The following CRYBA4 variants were observed in gnomAD, a reference collection of about 807,000 sequenced individuals.
CRYBA4 encodes crystallin beta A4, also known as beta-crystallin A4.
Under a neutral mutation model 31.7 loss-of-function variants are expected in CRYBA4, and 30 were observed. That is an observed-to-expected ratio of 0.95 (90% CI 0.71 to 1.28). The LOEUF (loss-of-function observed/expected upper bound fraction) is 1.28, where lower values mean the gene tolerates loss of function less well. CRYBA4 is among the 50% of genes most tolerant of loss of function. The pLI is 0.00. For missense variants in CRYBA4, 225 were observed against 260.7 expected (o/e 0.86, Z 0.94); for synonymous variants, 102 against 102.3 (o/e 1.00, Z 0.02).
chr22:26,625,622 TG>T lies in CRYBA4; in HGVS notation c.300+1del. Reference sequence around the variant, plus strand: ...CCTCCTTCCGGCCTGCGGCCTGTGCTGTAAGTTCTACCACTGCTGCATCCCG... The same window carrying T: ...CCTCCTTCCGGCCTGCGGCCTGTGCTTAAGTTCTACCACTGCTGCATCCCG... On this transcript the variant is annotated splice_donor_variant, in intron 4 of 5. Coordinates refer to ENST00000354760, the MANE Select transcript of CRYBA4 (RefSeq NM_001886.3). LOFTEE classifies it high-confidence loss of function. The T allele has an allele frequency of 6.2e-7, 1 of 1,613,752 alleles. No homozygotes were observed. The highest frequency in any genetic ancestry group is 1.1e-5 in the South Asian group (1 of 91,058).
At chr22:26,597,472 A>G in the CRYBA4 span, among the ~76,000 whole-genome samples, 3 of 152,188 alleles carry the variant, frequency 2.0e-5, no homozygotes, top group Non-Finnish European at 4.4e-5. Context: ...TCATTTGCAC[A>G]AAGGTGCCAT....
At chr22:26,624,771 G>A (rs1354750577) in intron 3 of CRYBA4, among the ~76,000 whole-genome samples, 3 of 152,152 alleles carry the variant, frequency 2.0e-5, no homozygotes, top group African/African-American at 4.8e-5. Context: ...CCTACTGGAC[G>A]ACACCAAAAC....
the CRYBA4 span, among the ~76,000 whole-genome samples, chr22:26,597,024 T>C: frequency 1.3e-5 from 2 of 152,194 alleles, no homozygotes; most frequent in East Asian, 3.8e-4. Context: ...CCCTGTCTTC[T>C]AGTCCAAGAT....
chr22:26,620,842 C>T (rs1252086497), upstream of CRYBA4, among the ~76,000 whole-genome samples: 2 of 152,136 alleles, frequency 1.3e-5, no homozygotes, highest in South Asian at 2.1e-4. Flanking sequence ...AGATTACAGG[C>T]GTGAGCCATT....
chr22:26,627,949 C>T (rs1391270214), intron 4 of CRYBA4, among the ~76,000 whole-genome samples: 1 of 152,140 alleles, frequency 6.6e-6, no homozygotes, highest in Non-Finnish European at 1.5e-5. Flanking sequence ...CGCCGGGCCT[C>T]TACACCCTTT....
intron 4 of CRYBA4, among the ~76,000 whole-genome samples, chr22:26,625,995 T>G (rs1222653273): frequency 6.6e-6 from 1 of 152,174 alleles, no homozygotes; most frequent in Non-Finnish European, 1.5e-5. Context: ...CATTTCTTGC[T>G]CCTAATTCAG....
At chr22:26,613,324 C>A in the CRYBA4 span, among the ~76,000 whole-genome samples, 6 of 152,274 alleles carry the variant, frequency 3.9e-5, no homozygotes, top group East Asian at 1.2e-3. Context: ...GTTCATATAA[C>A]CATGACCCAG....
the CRYBA4 span, among the ~76,000 whole-genome samples, chr22:26,598,118 A>G: frequency 6.6e-6 from 1 of 152,088 alleles, no homozygotes; most frequent in Admixed American, 6.6e-5. Flanking sequence ...CCTGACCTCA[A>G]GTGATCTGCC....
At chr22:26,612,036 G>T in the CRYBA4 span, 3 of 1,450,674 alleles carry the variant, frequency 2.1e-6, no homozygotes, top group Non-Finnish European at 2.9e-6. Context: ...ATTTTACTGT[G>T]GCAGAGAGTG....
chr22:26,608,108 G>A, the CRYBA4 span: 1 of 1,604,592 alleles, frequency 6.2e-7, no homozygotes, highest in South Asian at 1.1e-5. Context: ...CTCTCCCCTG[G>A]CAAGGCAGCC....
At chr22:26,604,038 G>A in the CRYBA4 span, among the ~76,000 whole-genome samples, 196 of 152,296 alleles carry the variant, frequency 1.3e-3, 2 homozygotes, top group African/African-American at 4.4e-3. Flanking sequence ...TTTAAAGTTC[G>A]TCTGTTATTT....
At chr22:26,599,554 A>G in the CRYBA4 span, 1 of 1,614,056 alleles carries the variant, frequency 6.2e-7, no homozygotes, top group Non-Finnish European at 8.5e-7. Context: ...CTTGTCACGC[A>G]GGCGACGCAG....
At chr22:26,617,027 G>GA (rs1254657952), upstream of CRYBA4, among the ~76,000 whole-genome samples, 2 of 152,258 alleles carry the variant, frequency 1.3e-5, no homozygotes, top group African/African-American at 4.8e-5. Flanking sequence ...GAGAATGAAT[G>GA]AATGCATGCT....
the CRYBA4 span, among the ~76,000 whole-genome samples, chr22:26,597,240 A>G: frequency 3.7e-4 from 56 of 152,114 alleles, no homozygotes; most frequent in Non-Finnish European, 6.6e-4. Context: ...TGCCCACACA[A>G]CCACCAAGCT....
chr22:26,601,947 G>T, the CRYBA4 span: 14 of 1,613,254 alleles, frequency 8.7e-6, no homozygotes, highest in Non-Finnish European at 1.0e-5. Flanking sequence ...TGGGTGCGTC[G>T]TCCCCCTGGA....
chr22:26,623,222 T>C lies in CRYBA4; in HGVS notation c.40-12T>C, dbSNP rs1298361690. ...TGATGCGGATCTCCACCTTTTTTTT[T>C]TCCTGGCACAGATGGTGGTGTGGGA... On this transcript the variant is annotated splice_polypyrimidine_tract_variant and intron_variant, in intron 2 of 5. Coordinates refer to ENST00000354760, the MANE Select transcript of CRYBA4 (RefSeq NM_001886.3). The C allele has an allele frequency of 1.9e-6, 3 of 1,609,692 alleles. No homozygotes were observed. The highest frequency in any genetic ancestry group is 1.3e-5 in the African/African-American group (1 of 75,012).
the CRYBA4 span, among the ~76,000 whole-genome samples, chr22:26,591,716 G>A: frequency 1.3e-5 from 2 of 149,388 alleles, no homozygotes; most frequent in African/African-American, 5.0e-5. Flanking sequence ...ACTCCCACCT[G>A]GGCGACAGAG....
the CRYBA4 span, among the ~76,000 whole-genome samples, chr22:26,609,600 T>C: frequency 6.6e-6 from 1 of 152,126 alleles, no homozygotes; most frequent in Admixed American, 6.6e-5. Context: ...ACATGGTGGG[T>C]ACGTGTGTAT....
At chr22:26,628,797 C>G (rs1022799345) in intron 5 of CRYBA4, among the ~76,000 whole-genome samples, 3 of 152,146 alleles carry the variant, frequency 2.0e-5, no homozygotes, top group African/African-American at 7.2e-5. Flanking sequence ...ATCGTTACAT[C>G]CAGCCCTAGG....
Sources: allele counts gnomAD v4.1 joint callset (sites outside exome capture counted in the v4.1 genomes callset), GRCh38; gene constraint gnomAD v4.1.1; transcripts MANE v1.5; gene names NCBI Gene and HGNC (gene_info 2026-07-23, HGNC 2026-07-21).